The following SLC24A2 variants were observed in gnomAD, a reference collection of about 807,000 sequenced individuals.
The protein encoded by SLC24A2 is solute carrier family 24 member 2.
SLC24A2 carries 36 observed loss-of-function variants against 62.0 expected under a neutral mutation model. That is an observed-to-expected ratio of 0.58 (90% confidence interval 0.44 to 0.77). SLC24A2 has a LOEUF of 0.77. Ranked by LOEUF, SLC24A2 falls within the 30% of genes least tolerant of loss-of-function variation. The pLI is 0.00. For missense variants in SLC24A2, 846 were observed against 817.9 expected (o/e 1.03, Z -0.42); for synonymous variants, 358 against 294.0 (o/e 1.22, Z -2.23).
the SLC24A2 span, among the ~76,000 whole-genome samples, chr9:20,154,098 C>T: frequency 6.6e-6 from 1 of 151,810 alleles, no homozygotes; most frequent in African/African-American, 2.4e-5. Context: ...TATACTGTTA[C>T]TCCAGTTGTT....
At chr9:20,278,429 G>A in the SLC24A2 span, among the ~76,000 whole-genome samples, 1 of 151,980 alleles carries the variant, frequency 6.6e-6, no homozygotes, top group Non-Finnish European at 1.5e-5. Context: ...TTGCTTCTTA[G>A]AAATTTCTTC....
At chr9:20,152,230 G>A in the SLC24A2 span, among the ~76,000 whole-genome samples, 1 of 151,900 alleles carries the variant, frequency 6.6e-6, no homozygotes, top group Non-Finnish European at 1.5e-5. Context: ...ATATTTATAA[G>A]AAGGTCCAGA....
At chr9:20,031,548 T>C in the SLC24A2 span, among the ~76,000 whole-genome samples, 41 of 152,096 alleles carry the variant, frequency 2.7e-4, no homozygotes, top group African/African-American at 9.4e-4. Flanking sequence ...TGGACCATAA[T>C]TGTGAGAGAA....
the SLC24A2 span, among the ~76,000 whole-genome samples, chr9:20,084,481 T>C: frequency 1.1e-4 from 17 of 151,708 alleles, no homozygotes; most frequent in African/African-American, 4.1e-4. Context: ...TCCTTTCCTT[T>C]CCTTCCCTCC....
At chr9:19,974,915 G>A in the SLC24A2 span, among the ~76,000 whole-genome samples, 4 of 152,140 alleles carry the variant, frequency 2.6e-5, no homozygotes, top group Non-Finnish European at 5.9e-5. Flanking sequence ...TGGATGCCAT[G>A]GCCAAATGTC....
the SLC24A2 span, among the ~76,000 whole-genome samples, chr9:20,177,988 C>G: frequency 6.6e-6 from 1 of 152,066 alleles, no homozygotes; most frequent in Non-Finnish European, 1.5e-5. Context: ...TACAATAATA[C>G]CTTAATTCAA....
At chr9:20,034,289 A>T in the SLC24A2 span, among the ~76,000 whole-genome samples, 1 of 152,138 alleles carries the variant, frequency 6.6e-6, no homozygotes, top group African/African-American at 2.4e-5. Flanking sequence ...GATTTGCTCT[A>T]TGCAAATTGT....
chr9:19,780,653 A>T (rs1233128110), intron 2 of SLC24A2, among the ~76,000 whole-genome samples: 1 of 151,708 alleles, frequency 6.6e-6, no homozygotes, highest in Non-Finnish European at 1.5e-5. Context: ...TTGGGAGCTG[A>T]GGCAGGTGGA....
In SLC24A2 at chr9:19,786,697, C is replaced by G. The variant is rs528511573; in HGVS notation, c.170G>C (p.Ser57Thr). The G allele has an allele frequency of 5.0e-6, 8 of 1,612,138 alleles. No homozygotes were observed. In the South Asian group the frequency reaches 6.6e-5, roughly 13 times the overall value. Reference protein sequence around the residue: ...VAISTVSFSISAFSETDTQST... With the variant: ...VAISTVSFSITAFSETDTQST... ...CTGTGTATCTGTCTCAGAAAAGGCA[C>G]TGATTGAAAATGAGACAGTGCTAAT... Residue 57 changes from serine to threonine, a missense_variant, in exon 2 of 11, where the codon AGT becomes ACT. By Grantham distance (58) the Ser-to-Thr change is moderately conservative. Transcript: ENST00000341998. This position sits in a 1 kb window ranked among gnomAD's most constrained non-coding sequence, Gnocchi z 5.0.
chr9:20,290,369 C>CA, the SLC24A2 span, among the ~76,000 whole-genome samples: 1 of 152,230 alleles, frequency 6.6e-6, no homozygotes, highest in African/African-American at 2.4e-5. Flanking sequence ...TTCTGATGTA[C>CA]AGTTTCTTGT....
chr9:19,531,755 G>T (rs1341382196), intron 8 of SLC24A2, among the ~76,000 whole-genome samples: 3 of 126,586 alleles, frequency 2.4e-5, no homozygotes, highest in African/African-American at 9.3e-5. Context: ...TAATATGACT[G>T]GTATTGAAAT....
At chr9:19,762,678 T>C (rs1822373260) in intron 2 of SLC24A2, among the ~76,000 whole-genome samples, 2 of 152,192 alleles carry the variant, frequency 1.3e-5, no homozygotes, top group African/African-American at 4.8e-5. Flanking sequence ...ATATCTGTTT[T>C]GGTACCAGTA....
At chr9:19,865,277 C>A in the SLC24A2 span, among the ~76,000 whole-genome samples, 4 of 151,970 alleles carry the variant, frequency 2.6e-5, no homozygotes, top group Non-Finnish European at 2.9e-5. Flanking sequence ...TCTACAGATA[C>A]AATGCAATTT....
the SLC24A2 span, among the ~76,000 whole-genome samples, chr9:19,850,974 T>C: frequency 1.6e-3 from 76 of 46,882 alleles, no homozygotes; most frequent in African/African-American, 7.1e-3. Flanking sequence ...TATGTATATA[T>C]ATATATATAT....
chr9:19,935,770 G>T, the SLC24A2 span, among the ~76,000 whole-genome samples: 5 of 152,192 alleles, frequency 3.3e-5, no homozygotes, highest in African/African-American at 1.2e-4. Flanking sequence ...AACTCATAGG[G>T]AAGGGAACCA....
At chr9:20,294,762 G>C in the SLC24A2 span, among the ~76,000 whole-genome samples, 1 of 152,094 alleles carries the variant, frequency 6.6e-6, no homozygotes, top group South Asian at 2.1e-4. Flanking sequence ...GAGAAATAAG[G>C]CACCATCCTC....
the SLC24A2 span, among the ~76,000 whole-genome samples, chr9:20,099,925 C>A: frequency 6.6e-6 from 1 of 152,188 alleles, no homozygotes; most frequent in South Asian, 2.1e-4. Context: ...TAACCACTCA[C>A]CCATGAGCAT....
chr9:19,748,952 T>C (rs974830793), intron 2 of SLC24A2, among the ~76,000 whole-genome samples: 5 of 151,712 alleles, frequency 3.3e-5, no homozygotes, highest in African/African-American at 1.2e-4. Flanking sequence ...CTGTACCAGA[T>C]TGTGTAAGTT....
the SLC24A2 span, among the ~76,000 whole-genome samples, chr9:20,228,954 T>C: frequency 4.6e-5 from 7 of 152,056 alleles, no homozygotes; most frequent in African/African-American, 2.4e-5. Context: ...GAAGGGTCAA[T>C]CATCCCTGGC....
Sources: gnomAD v4.1 joint callset for allele counts (sites outside exome capture counted in the v4.1 genomes callset) on GRCh38, gnomAD v4.1.1 for gene constraint, Gnocchi (gnomAD v3.1) non-coding constraint, MANE v1.5 for transcripts, NCBI Gene and HGNC (gene_info 2026-07-23, HGNC 2026-07-21) for gene names.